PRRX2: variants seen among roughly 807,000 people sequenced by gnomAD.
PRRX2 encodes the protein paired mesoderm homeobox protein 2.
PRRX2 carries 11 observed loss-of-function variants against 18.0 expected under a neutral mutation model. The ratio of observed to expected loss-of-function variants is 0.61; its 90% CI spans 0.39 to 1.01. The LOEUF (loss-of-function observed/expected upper bound fraction) is 1.01, where lower values mean the gene tolerates loss of function less well. PRRX2 is among the 50% of genes least tolerant of loss of function. The probability of loss-of-function intolerance (pLI) is 0.01; values close to 1 mark genes in which losing one functional copy is unlikely to be tolerated. For missense variants in PRRX2, 387 were observed against 351.0 expected, an observed-to-expected ratio of 1.10 and a Z score of -0.82; for synonymous variants, 177 against 154.8, an observed-to-expected ratio of 1.14 and a Z score of -1.06.
At chr9:129,712,099 G>A (rs1026406970) in intron 1 of PRRX2, among the ~76,000 whole-genome samples, 2 of 152,128 alleles carry the variant, frequency 1.3e-5, no homozygotes, top group Non-Finnish European at 2.9e-5. Flanking sequence ...CCAGCTCCGA[G>A]GCTCCTCTGA....
intron 1 of PRRX2, among the ~76,000 whole-genome samples, chr9:129,717,299 G>T (rs1011242954): frequency 5.3e-5 from 8 of 152,142 alleles, no homozygotes; most frequent in African/African-American, 1.9e-4. Context: ...CAAAATCCTG[G>T]CCTCAAGTAA....
In PRRX2 at chr9:129,722,415, C is replaced by T. The variant is rs575443811; in HGVS notation, c.*63C>T. The stretch of plus-strand genomic sequence containing the variant: ...GGACAGCAATAGAAAAGGGGGCAGA[C>T]GCCCAGGAAGTGACCTTCTCCTGGA... On this transcript the variant is annotated 3_prime_UTR_variant, in exon 4 of 4. Coordinates refer to ENST00000372469, the MANE Select transcript of PRRX2 (RefSeq NM_016307.4). 6.6e-4 allele frequency: 1,036 copies of T among 1,579,684 alleles called. 1 individual carries two copies. Among genetic ancestry groups the T allele is most frequent in the Admixed American group, 8.3e-4 (47 of 56,616 alleles).
intron 1 of PRRX2, among the ~76,000 whole-genome samples, chr9:129,697,919 G>A (rs2130922583): frequency 6.6e-6 from 1 of 152,160 alleles, no homozygotes; most frequent in East Asian, 1.9e-4. Flanking sequence ...TGGGGCATGC[G>A]AGAAACGCCA....
chr9:129,678,896 C>T (rs1464710196), intron 1 of PRRX2, among the ~76,000 whole-genome samples: 1 of 152,198 alleles, frequency 6.6e-6, no homozygotes, highest in African/African-American at 2.4e-5. Context: ...TGGGCTGCCC[C>T]AGTCTCCAAA....
At chr9:129,682,921 A>G (rs574466104) in intron 1 of PRRX2, among the ~76,000 whole-genome samples, 9 of 127,434 alleles carry the variant, frequency 7.1e-5, no homozygotes, top group South Asian at 2.4e-4. Flanking sequence ...CCTGACCAAC[A>G]TGGTGAACCC....
At chr9:129,674,878 G>T (rs1044515019) in intron 1 of PRRX2, among the ~76,000 whole-genome samples, 1 of 152,124 alleles carries the variant, frequency 6.6e-6, no homozygotes, top group African/African-American at 2.4e-5. Context: ...GAGTCACTGC[G>T]TCAGAATCAC....
At chr9:129,690,836 TA>T (rs1832351990) in intron 1 of PRRX2, among the ~76,000 whole-genome samples, 1 of 151,446 alleles carries the variant, frequency 6.6e-6, no homozygotes, top group Non-Finnish European at 1.5e-5. Flanking sequence ...AAATGGGCTC[TA>T]CACCATGAGG....
At chr9:129,691,932 C>T (rs10988475) in intron 1 of PRRX2, among the ~76,000 whole-genome samples, 31,326 of 149,462 alleles carry the variant, frequency 0.21, 5,279 homozygotes, top group African/African-American at 0.46. Flanking sequence ...CTAGACGGTA[C>T]TTATTTATTT....
intron 1 of PRRX2, among the ~76,000 whole-genome samples, chr9:129,714,856 A>C (rs1028460947): frequency 6.6e-6 from 1 of 152,184 alleles, no homozygotes; most frequent in Non-Finnish European, 1.5e-5. Flanking sequence ...CCCAAGAGGA[A>C]CTGCCTGAAG....
chr9:129,690,368 G>A (rs1014630615), intron 1 of PRRX2, among the ~76,000 whole-genome samples: 1 of 152,126 alleles, frequency 6.6e-6, no homozygotes, highest in Admixed American at 6.5e-5. Flanking sequence ...GTTGTATCAC[G>A]CCAATGGGTA....
At chr9:129,667,542 G>A (rs931571927) in intron 1 of PRRX2, among the ~76,000 whole-genome samples, 1 of 152,056 alleles carries the variant, frequency 6.6e-6, no homozygotes, top group Admixed American at 6.6e-5. Flanking sequence ...AAGGAAAGGA[G>A]AAGGCAAGGA....
chr9:129,672,939 C>T (rs1030254225), intron 1 of PRRX2, among the ~76,000 whole-genome samples: 4 of 151,986 alleles, frequency 2.6e-5, no homozygotes, highest in African/African-American at 4.8e-5. Context: ...AGTCATTTTC[C>T]GAACACCTAT....
At chr9:129,696,745 T>A (rs1421473458) in intron 1 of PRRX2, among the ~76,000 whole-genome samples, 1 of 152,098 alleles carries the variant, frequency 6.6e-6, no homozygotes, top group Non-Finnish European at 1.5e-5. Context: ...AGCTTCACTT[T>A]CCCCAGATGC....
At chr9:129,713,796 A>AATTTATTTATTT (rs574830957) in intron 1 of PRRX2, among the ~76,000 whole-genome samples, 15 of 150,842 alleles carry the variant, frequency 9.9e-5, no homozygotes, top group African/African-American at 3.7e-4. Flanking sequence ...ATGCCTGGCT[A>AATTTATTTATTT]ATTTATTTAT....
At chr9:129,666,691 C>T (rs1381225304) in intron 1 of PRRX2, among the ~76,000 whole-genome samples, 2 of 152,076 alleles carry the variant, frequency 1.3e-5, no homozygotes, top group African/African-American at 4.8e-5. Context: ...AACAAACAAC[C>T]CACCCAAGTG....
intron 1 of PRRX2, among the ~76,000 whole-genome samples, chr9:129,683,931 T>C (rs1368093984): frequency 6.6e-6 from 1 of 152,112 alleles, no homozygotes; most frequent in African/African-American, 2.4e-5. Context: ...ACCCTCTTCC[T>C]GTACAAGGCT....
intron 1 of PRRX2, among the ~76,000 whole-genome samples, chr9:129,690,764 C>G (rs563188769): frequency 4.6e-4 from 70 of 151,912 alleles, no homozygotes; most frequent in Non-Finnish European, 7.2e-4. Context: ...CCTTGGCCTC[C>G]CAAAGTGCTG....
rs760645440 is a variant in PRRX2, at chr9:129,677,958, C to CTT, written c.259+11854_259+11855dup. Among the ~76,000 whole-genome samples the CTT allele has an allele frequency of 4.9e-3, 555 of 113,008 alleles. 1 individual carries two copies. The highest frequency in any genetic ancestry group is 5.9e-3 in the Non-Finnish European group (339 of 57,892). The allele number at this position is 113,008 out of a possible 152,430, so 74.1% of individuals were successfully genotyped here. A position where few individuals can be genotyped will look rare whatever the true frequency, so the allele number is the denominator to read the frequency against. ...GCGGCTGCTTTTTCTTTCTTTCTTT[C>CTT]TTTTTTTTTTTTTTTTTTTTTTTGA... On this transcript the variant is annotated intron_variant, in intron 1 of 3. Coordinates refer to ENST00000372469, the MANE Select transcript of PRRX2 (RefSeq NM_016307.4).
chr9:129,669,186 C>T (rs1832068491), intron 1 of PRRX2, among the ~76,000 whole-genome samples: 1 of 150,972 alleles, frequency 6.6e-6, no homozygotes, highest in Non-Finnish European at 1.5e-5. Context: ...TTTTTGTTTG[C>T]ACAAAGCCAC....
Sources: gnomAD v4.1 joint callset for allele counts (sites outside exome capture counted in the v4.1 genomes callset) on GRCh38, gnomAD v4.1.1 for gene constraint, MANE v1.5 for transcripts, NCBI Gene and HGNC (gene_info 2026-07-23, HGNC 2026-07-21) for gene names.